The following NUMB variants were observed in gnomAD, a reference collection of about 807,000 sequenced individuals.
NUMB encodes NUMB endocytic adaptor protein.
Under a neutral mutation model 59.7 loss-of-function variants are expected in NUMB, and 29 were observed. The observed-to-expected ratio is 0.49, with a 90% confidence interval of 0.36 to 0.66. The LOEUF (loss-of-function observed/expected upper bound fraction) is 0.66, where lower values mean the gene tolerates loss of function less well. NUMB is among the 30% of genes least tolerant of loss of function. The pLI, the probability that NUMB is intolerant of heterozygous loss-of-function variation, is 0.00. For synonymous variants in NUMB, 288 were observed against 288.2 expected (o/e 1.00, Z 0.01); for missense variants, 723 against 822.0 (o/e 0.88, Z 1.47).
At chr14:73,406,251 C>T (rs1212221586) in intron 2 of NUMB, among the ~76,000 whole-genome samples, 2 of 126,030 alleles carry the variant, frequency 1.6e-5, no homozygotes, top group Non-Finnish European at 3.3e-5. Context: ...CCCCTCCCCC[C>T]ACCCCATGAC....
chr14:73,376,483 C>A (rs2140067570), intron 2 of NUMB, among the ~76,000 whole-genome samples: 1 of 149,588 alleles, frequency 6.7e-6, no homozygotes, highest in East Asian at 2.0e-4. Context: ...AAAATCCCGA[C>A]AAGTTATTTT....
chr14:73,411,422 G>A (rs1319060915), intron 1 of NUMB, among the ~76,000 whole-genome samples: 1 of 134,994 alleles, frequency 7.4e-6, no homozygotes, highest in African/African-American at 3.5e-5. Context: ...GATGCTATAA[G>A]AGGCCAATCC....
intron 1 of NUMB, among the ~76,000 whole-genome samples, chr14:73,435,075 A>G (rs980635794): frequency 1.3e-5 from 2 of 152,158 alleles, no homozygotes; most frequent in Non-Finnish European, 2.9e-5. Context: ...TGTGCAATAT[A>G]TTTAATCATC....
At chr14:73,372,390 T>C (rs931432498) in intron 2 of NUMB, among the ~76,000 whole-genome samples, 1 of 145,150 alleles carries the variant, frequency 6.9e-6, no homozygotes, top group Admixed American at 7.0e-5. Flanking sequence ...TAAATGTGTA[T>C]GTCAGTGTAT....
chr14:73,426,500 A>G (rs1307735574), intron 1 of NUMB, among the ~76,000 whole-genome samples: 2 of 152,124 alleles, frequency 1.3e-5, no homozygotes, highest in Non-Finnish European at 2.9e-5. Flanking sequence ...TGAGCCCAGG[A>G]GTTTGAGACC....
intron 4 of NUMB, among the ~76,000 whole-genome samples, chr14:73,347,483 A>G (rs1323011525): frequency 6.6e-6 from 1 of 152,082 alleles, no homozygotes; most frequent in Non-Finnish European, 1.5e-5. Context: ...CAACATTTTC[A>G]GACAAGCTTG....
At chr14:73,355,829 GA>G in intron 3 of NUMB, 63 bp from the exon 4 acceptor site, 1 of 1,343,380 alleles carries the variant, frequency 7.4e-7, no homozygotes, top group Non-Finnish European at 1.0e-6. Flanking sequence ...TTAAACTTTG[GA>G]TTACCATACT....
intron 11 of NUMB, among the ~76,000 whole-genome samples, chr14:73,282,075 G>C (rs902337501): frequency 2.0e-5 from 3 of 152,178 alleles, no homozygotes; most frequent in African/African-American, 2.4e-5. Context: ...ATCCTTAACA[G>C]TCAAGTGGGA....
At chr14:73,306,514 C>G (rs904926243) in intron 6 of NUMB, among the ~76,000 whole-genome samples, 2 of 152,188 alleles carry the variant, frequency 1.3e-5, no homozygotes, top group Non-Finnish European at 2.9e-5. Flanking sequence ...CTTCTCAACA[C>G]CCCTAGGTTG....
chr14:73,354,713 T>A (rs1349999318), intron 4 of NUMB, among the ~76,000 whole-genome samples: 1 of 145,902 alleles, frequency 6.9e-6, no homozygotes, highest in Admixed American at 7.0e-5. Flanking sequence ...CTGTAGTCCC[T>A]GCTACTCAGG....
At position 73,282,329 on chromosome 14, in the gene NUMB, GA is replaced by G. The variant is rs775012698; in HGVS notation, c.1096+29del. 5 of 1,611,452 alleles carry G rather than the reference GA, an allele frequency of 3.1e-6. No homozygotes were observed. The Admixed American group carries it at 6.7e-5, about 22-fold the overall frequency. Reference sequence around the variant, plus strand: ...GTACTAAAAGTACTGGTTGTAAAGAGAACAGCTGAGCAGGTCAGAGGGCACC... The same window carrying G: ...GTACTAAAAGTACTGGTTGTAAAGAGACAGCTGAGCAGGTCAGAGGGCACC... On this transcript the variant is annotated intron_variant, in intron 11 of 12. Transcript: ENST00000555238.
At chr14:73,439,257 A>C (rs1359958195) in intron 1 of NUMB, among the ~76,000 whole-genome samples, 1 of 152,144 alleles carries the variant, frequency 6.6e-6, no homozygotes, top group Non-Finnish European at 1.5e-5. Context: ...AAGAAGCACA[A>C]CTCTACAAAT....
chr14:73,444,507 C>T (rs1248588639), intron 1 of NUMB, among the ~76,000 whole-genome samples: 1 of 151,968 alleles, frequency 6.6e-6, no homozygotes, highest in Non-Finnish European at 1.5e-5. Flanking sequence ...CAAAGCTACC[C>T]TGAATTGAGG....
At chr14:73,438,005 T>C (rs1898128841) in intron 1 of NUMB, among the ~76,000 whole-genome samples, 1 of 152,238 alleles carries the variant, frequency 6.6e-6, no homozygotes, top group East Asian at 1.9e-4. Flanking sequence ...CTATCAAATT[T>C]GCAAATATTT....
chr14:73,326,241 C>T (rs1436142280), intron 4 of NUMB, among the ~76,000 whole-genome samples: 1 of 152,148 alleles, frequency 6.6e-6, no homozygotes, highest in Non-Finnish European at 1.5e-5. Flanking sequence ...TACAGACCAC[C>T]TCCTGGTTCC....
Position 73,386,864 on chromosome 14 carries a change from C to CTTTTT in NUMB, c.-100-19884_-100-19883insAAAAA, listed in dbSNP as rs1566773800. 8.8e-4 allele frequency among the ~76,000 whole-genome samples: 65 copies of CTTTTT among 73,790 alleles called. 1 individual carries two copies. Among genetic ancestry groups the CTTTTT allele is most frequent in the East Asian group, 3.3e-3 (4 of 1,230 alleles). 48.4% of individuals were successfully genotyped at this position (73,790 alleles called of 152,430 possible). On this transcript the variant is annotated intron_variant, in intron 2 of 12. Transcript: ENST00000555238. ...TAATACAAGACAATCTATCAGGTGT[C>CTTTTT]TTATTTTTTTTTTTTTTTTTTTTTT...
intron 3 of NUMB, among the ~76,000 whole-genome samples, 198 bp from the exon 4 acceptor site, chr14:73,355,964 TCAAA>T (rs1428309978): frequency 3.3e-5 from 5 of 152,190 alleles, no homozygotes; most frequent in Non-Finnish European, 7.3e-5. Context: ...AACACTAAGT[TCAAA>T]CAAACAAATC....
chr14:73,329,806 C>T (rs1264759266), intron 4 of NUMB, among the ~76,000 whole-genome samples: 1 of 152,154 alleles, frequency 6.6e-6, no homozygotes, highest in Non-Finnish European at 1.5e-5. Flanking sequence ...TATCTTGTGA[C>T]TCAGTAGTGT....
intron 2 of NUMB, among the ~76,000 whole-genome samples, chr14:73,405,015 T>G (rs1896593115): frequency 6.6e-6 from 1 of 152,166 alleles, no homozygotes; most frequent in South Asian, 2.1e-4. Flanking sequence ...CGCCTCTGCC[T>G]CCCAAAGTGC....
Sources: gnomAD v4.1 joint callset for allele counts (sites outside exome capture counted in the v4.1 genomes callset) on GRCh38, gnomAD v4.1.1 for gene constraint, MANE v1.5 for transcripts, NCBI Gene and HGNC (gene_info 2026-07-23, HGNC 2026-07-21) for gene names.